Variants in ASIC2 observed in about 807,000 individuals in gnomAD.
ASIC2 encodes acid-sensing ion channel 2.
ASIC2 carries 25 observed loss-of-function variants against 57.3 expected under a neutral mutation model. The observed-to-expected ratio is 0.44, with a 90% confidence interval of 0.32 to 0.61. The LOEUF (loss-of-function observed/expected upper bound fraction) is 0.61, where lower values mean the gene tolerates loss of function less well. ASIC2 is among the 20% of genes least tolerant of loss of function. The pLI is 0.06. For missense variants in ASIC2, 641 were observed against 738.1 expected, an observed-to-expected ratio of 0.87 and a Z score of 1.52; for synonymous variants, 319 against 307.5, an observed-to-expected ratio of 1.04 and a Z score of -0.39.
intron 1 of ASIC2, among the ~76,000 whole-genome samples, chr17:33,778,906 T>G (rs1911364306): frequency 6.6e-6 from 1 of 152,148 alleles, no homozygotes; most frequent in Non-Finnish European, 1.5e-5. Context: ...GCCTAGGGTA[T>G]TCTAACTTAT....
chr17:33,641,093 G>T (rs1268981644), intron 1 of ASIC2, among the ~76,000 whole-genome samples: 1 of 152,118 alleles, frequency 6.6e-6, no homozygotes, highest in South Asian at 2.1e-4. Context: ...GCCTATTTCT[G>T]CTACAGAGAA....
chr17:33,575,007 G>A (rs1916573041), intron 1 of ASIC2, among the ~76,000 whole-genome samples: 1 of 152,202 alleles, frequency 6.6e-6, no homozygotes. Flanking sequence ...AGAGTGGAAA[G>A]AAGGTGGCAC....
intron 1 of ASIC2, among the ~76,000 whole-genome samples, chr17:34,033,390 T>G (rs566518497): frequency 1.3e-5 from 2 of 151,982 alleles, no homozygotes; most frequent in Non-Finnish European, 2.9e-5. Flanking sequence ...TTTATAGCAC[T>G]AAATGCCCAC....
At chr17:33,228,171 C>T (rs775104439) in intron 1 of ASIC2, among the ~76,000 whole-genome samples, 1 of 152,156 alleles carries the variant, frequency 6.6e-6, no homozygotes, top group Non-Finnish European at 1.5e-5. Context: ...GGTGTAATTT[C>T]AAAACCCAGA....
chr17:33,642,292 C>A (rs1236484615), intron 1 of ASIC2, among the ~76,000 whole-genome samples: 3 of 151,020 alleles, frequency 2.0e-5, no homozygotes, highest in South Asian at 4.3e-4. Context: ...CAAGCTCCAC[C>A]AGGCAAGGGG....
At chr17:33,113,334 C>T (rs2092267440) in intron 1 of ASIC2, among the ~76,000 whole-genome samples, 1 of 152,192 alleles carries the variant, frequency 6.6e-6, no homozygotes, top group Non-Finnish European at 1.5e-5. Flanking sequence ...TGCAAAAGTG[C>T]TTTAAAACTG....
intron 1 of ASIC2, among the ~76,000 whole-genome samples, chr17:33,716,354 C>T (rs1471471941): frequency 6.6e-6 from 1 of 152,168 alleles, no homozygotes; most frequent in Non-Finnish European, 1.5e-5. Flanking sequence ...CCTTGACTAC[C>T]TCTTCACCTC....
At chr17:33,152,435 G>T (rs536152749) in intron 1 of ASIC2, among the ~76,000 whole-genome samples, 1 of 152,170 alleles carries the variant, frequency 6.6e-6, no homozygotes, top group Admixed American at 6.5e-5. Context: ...GGTGGAGGCC[G>T]GTCTGAGTCT....
chr17:33,015,509 T>C (rs2091801046), intron 9 of ASIC2, among the ~76,000 whole-genome samples: 1 of 152,188 alleles, frequency 6.6e-6, no homozygotes, highest in Admixed American at 6.5e-5. Flanking sequence ...AGGCATACAA[T>C]AGTCAGTAGC....
chr17:33,939,698 G>GT (rs1916142841), intron 1 of ASIC2, among the ~76,000 whole-genome samples: 1 of 152,246 alleles, frequency 6.6e-6, no homozygotes, highest in Non-Finnish European at 1.5e-5. Flanking sequence ...CCACAGGATG[G>GT]TGAGCAGGCA....
At chr17:33,611,386 C>T (rs1262248530) in intron 1 of ASIC2, among the ~76,000 whole-genome samples, 3 of 152,206 alleles carry the variant, frequency 2.0e-5, no homozygotes, top group Non-Finnish European at 4.4e-5. Flanking sequence ...TTCAATAACC[C>T]TGGGATCCAG....
At chr17:34,137,742 G>A (rs1334771930) in intron 1 of ASIC2, among the ~76,000 whole-genome samples, 1 of 152,146 alleles carries the variant, frequency 6.6e-6, no homozygotes, top group African/African-American at 2.4e-5. Context: ...CAGATTCAGT[G>A]TCTGGTGAAG....
At chr17:33,937,644 C>CT (rs1916096675) in intron 1 of ASIC2, among the ~76,000 whole-genome samples, 1 of 152,170 alleles carries the variant, frequency 6.6e-6, no homozygotes, top group South Asian at 2.1e-4. Context: ...ACAAACTTTC[C>CT]TATGTTGGTA....
intron 1 of ASIC2, among the ~76,000 whole-genome samples, chr17:33,989,166 C>T (rs984692866): frequency 1.3e-5 from 2 of 152,020 alleles, no homozygotes; most frequent in Non-Finnish European, 2.9e-5. Flanking sequence ...AACAGAGTCA[C>T]ACCAGTGAAG....
chr17:33,352,297 T>C (rs1355595270), intron 1 of ASIC2, among the ~76,000 whole-genome samples: 2 of 152,096 alleles, frequency 1.3e-5, no homozygotes, highest in Non-Finnish European at 2.9e-5. Context: ...ACTAGCCCTG[T>C]TCTCTCCTCA....
At chr17:34,131,169 A>G (rs1294247404) in intron 1 of ASIC2, among the ~76,000 whole-genome samples, 3 of 152,162 alleles carry the variant, frequency 2.0e-5, no homozygotes, top group Admixed American at 6.5e-5. Context: ...TGCACCATGA[A>G]GAATTGGAAA....
chr17:33,770,769 C>T (rs1214250845), intron 1 of ASIC2, among the ~76,000 whole-genome samples: 4 of 152,172 alleles, frequency 2.6e-5, no homozygotes, highest in Non-Finnish European at 5.9e-5. Flanking sequence ...TAATGCTTTT[C>T]AGATTGAAAC....
intron 1 of ASIC2, among the ~76,000 whole-genome samples, chr17:33,870,940 C>G (rs961818111): frequency 1.3e-5 from 2 of 152,196 alleles, no homozygotes; most frequent in Non-Finnish European, 2.9e-5. Context: ...AAGACCTTTG[C>G]CTTGCAAACT....
chr17:33,166,685 G>A (rs778186573), intron 1 of ASIC2, among the ~76,000 whole-genome samples: 1 of 152,208 alleles, frequency 6.6e-6, no homozygotes, highest in Non-Finnish European at 1.5e-5. Context: ...GAGGTGGGTT[G>A]CAGGGAAGTA....
Sources: gnomAD v4.1 joint callset for allele counts (sites outside exome capture counted in the v4.1 genomes callset) on GRCh38, gnomAD v4.1.1 for gene constraint, MANE v1.5 for transcripts, NCBI Gene and HGNC (gene_info 2026-07-23, HGNC 2026-07-21) for gene names.